UFL1: variants seen among roughly 807,000 people sequenced by gnomAD.
UFL1 encodes the protein E3 UFM1-protein ligase 1.
Under a neutral mutation model 99.3 loss-of-function variants are expected in UFL1, and 78 were observed. That is an observed-to-expected ratio of 0.79 (90% CI 0.65 to 0.95). The LOEUF (loss-of-function observed/expected upper bound fraction) is 0.95, where lower values mean the gene tolerates loss of function less well. Ranked by LOEUF, UFL1 falls within the 40% of genes least tolerant of loss-of-function variation. The pLI, the probability that UFL1 is intolerant of heterozygous loss-of-function variation, is 0.00. For synonymous variants in UFL1, 335 were observed against 322.2 expected (o/e 1.04, Z -0.42); for missense variants, 936 against 937.0 (o/e 1.00, Z 0.01).
At position 96,523,243 on chromosome 6, in the gene UFL1, C is replaced by T. The variant is rs776209390; in HGVS notation, c.175C>T (p.Pro59Ser). ...HTLDGKEYIT[P>S]AQISKEMRDE... ...ACTCGATGGAAAGGAATATATTACT[C>T]CAGCCCAAATTAGTAAAGAAATGAG... The change falls in exon 2 of 19, where the codon CCA becomes TCA. Residue 59 changes from proline to serine, a missense_variant. Coordinates refer to ENST00000369278, the MANE Select transcript of UFL1 (RefSeq NM_015323.5). The T allele has an allele frequency of 3.7e-6, 6 of 1,611,850 alleles. No individual in the cohort carries two copies. Among genetic ancestry groups the T allele is most frequent in the Non-Finnish European group, 5.1e-6 (6 of 1,179,048 alleles).
At chr6:96,541,565 CT>C (rs1332322337) in intron 11 of UFL1, among the ~76,000 whole-genome samples, 1 of 151,194 alleles carries the variant, frequency 6.6e-6, no homozygotes, top group African/African-American at 2.4e-5. Context: ...TTTCTTAAAA[CT>C]TTTCAATGGC....
At chr6:96,548,024 T>G (rs531411445) in intron 12 of UFL1, 140 bp from the exon 13 acceptor site, 1 of 600,164 alleles carries the variant, frequency 1.7e-6, no homozygotes, top group East Asian at 3.1e-5. Flanking sequence ...TTGTTTTTAC[T>G]AGTTGTTGCT....
intron 18 of UFL1, 124 bp from the exon 19 acceptor site, chr6:96,553,161 A>G: frequency 5.0e-6 from 4 of 802,424 alleles, no homozygotes; most frequent in South Asian, 3.7e-5. Flanking sequence ...TAGACTTGCT[A>G]CTTACATGGC....
intron 12 of UFL1, among the ~76,000 whole-genome samples, chr6:96,545,996 C>T (rs1050462159): frequency 6.6e-6 from 1 of 151,104 alleles, no homozygotes; most frequent in Non-Finnish European, 1.5e-5. Flanking sequence ...TCCTATTCAA[C>T]GTAGTACTAG....
Position 96,548,165 on chromosome 6 carries a change from A to G in UFL1, c.1404A>G (p.Gly468=). ...TGCCATTGCTCATGTCCGATATAGGAAAGAAGAAGCCAGAGATCAGTTTTA... is the reference window on the plus strand; with the variant it reads ...TGCCATTGCTCATGTCCGATATAGGGAAGAAGAAGCCAGAGATCAGTTTTA... ...SDDESQSSHT[G]KKKPEISFMF... Residue 468 remains glycine, a splice_region_variant and synonymous_variant, in exon 13 of 19, where the codon GGA becomes GGG. Coordinates refer to ENST00000369278, the MANE Select transcript of UFL1 (RefSeq NM_015323.5). 1.9e-6 allele frequency: 3 copies of G among 1,579,060 alleles called. No homozygotes were observed. Among genetic ancestry groups the G allele is most frequent in the Non-Finnish European group, 2.6e-6 (3 of 1,162,144 alleles).
rs1769916462 is a variant in UFL1 at position 96,540,533 on chromosome 6, A to G, written c.1159-2A>G. 3.1e-6 allele frequency: 5 copies of G among 1,591,066 alleles called. No individual in the cohort carries two copies. The highest frequency in any genetic ancestry group is 4.3e-6 in the Non-Finnish European group (5 of 1,172,296). On this transcript the variant is annotated splice_acceptor_variant, in intron 10 of 18. Transcript: ENST00000369278. LOFTEE classifies it high-confidence loss of function. ...TACCAAAAAAAGCATGTTTTATTTT[A>G]GGAAATGAAAAATAATCCTGTGCAT...
intron 12 of UFL1, among the ~76,000 whole-genome samples, chr6:96,545,678 G>C (rs1769988559): frequency 6.6e-6 from 1 of 150,990 alleles, no homozygotes; most frequent in African/African-American, 2.4e-5. Context: ...TTAAAAATTT[G>C]TTTTGAAATA....
At chr6:96,542,741 A>G (rs1769948322) in intron 11 of UFL1, among the ~76,000 whole-genome samples, 153 bp from the exon 12 acceptor site, 1 of 151,234 alleles carries the variant, frequency 6.6e-6, no homozygotes, top group African/African-American at 2.4e-5. Context: ...TAAACTTTTA[A>G]TAGGGAACTC....
intron 6 of UFL1, among the ~76,000 whole-genome samples, chr6:96,528,966 A>T (rs1191064519): frequency 6.6e-6 from 1 of 152,198 alleles, no homozygotes; most frequent in African/African-American, 2.4e-5. Context: ...TGCAATTTAA[A>T]GTCAGAAGAA....
rs373840862 is a variant in UFL1 at position 96,537,419 on chromosome 6, A to C, written c.848A>C (p.Tyr283Ser). The C allele has an allele frequency of 5.4e-5, 86 of 1,602,322 alleles. No individual in the cohort carries two copies. Among genetic ancestry groups the C allele is most frequent in the Non-Finnish European group, 6.9e-5 (81 of 1,175,538 alleles). Reference sequence around the variant, plus strand: ...CTTGGAATCCCAGATGCTGTAAGCTACATAAAGAAAAGATATAAGACTACA... The same window carrying C: ...CTTGGAATCCCAGATGCTGTAAGCTCCATAAAGAAAAGATATAAGACTACA... Reference protein sequence around the residue: ...SRLGIPDAVSYIKKRYKTTQL... With the variant: ...SRLGIPDAVSSIKKRYKTTQL... The change falls in exon 9 of 19, where the codon TAC becomes TCC. Residue 283 changes from tyrosine (Y) to serine (S), a missense_variant. Transcript: ENST00000369278.
At position 96,549,434 on chromosome 6, in the gene UFL1, G is replaced by T; in HGVS notation, c.1543G>T (p.Glu515Ter). 2 of 1,596,134 alleles carry T rather than the reference G, an allele frequency of 1.3e-6. No individual in the cohort carries two copies. The highest frequency in any genetic ancestry group is 1.7e-6 in the Non-Finnish European group (2 of 1,174,972). Residue 515 changes from glutamate (E) to a stop codon, truncating the protein, a stop_gained, in exon 14 of 19, where the codon GAG becomes TAG. Coordinates refer to ENST00000369278, the MANE Select transcript of UFL1 (RefSeq NM_015323.5). LOFTEE classifies it high-confidence loss of function. Reference sequence around the variant, plus strand: ...CAGACCTCTTAATAAAACTTATCTCGAGGTGGTACGTTCAGTATTCATGTC... The same window carrying T: ...CAGACCTCTTAATAAAACTTATCTCTAGGTGGTACGTTCAGTATTCATGTC... ...LIKPLNKTYLEVVRSVFMSST... is the reference protein window; with the variant it reads ...LIKPLNKTYL
In UFL1 at chr6:96,553,364, G is replaced by A. The variant is rs546006650; in HGVS notation, c.2246G>A (p.Gly749Glu). Reference protein sequence around the residue: ...LVSQSKKTGQGDYPLNNELDK... With the variant: ...LVSQSKKTGQEDYPLNNELDK... ...AGTCAAAGTAAGAAGACTGGGCAGGGAGATTATCCCTTGAATAATGAATTA... is the reference window on the plus strand; with the variant it reads ...AGTCAAAGTAAGAAGACTGGGCAGGAAGATTATCCCTTGAATAATGAATTA... The change falls in exon 19 of 19, where the codon GGA becomes GAA. Residue 749 changes from glycine to glutamate, a missense_variant. Transcript: ENST00000369278. The A allele has an allele frequency of 8.7e-6, 14 of 1,613,790 alleles. No individual in the cohort carries two copies. In the East Asian group the frequency reaches 3.1e-4, roughly 36 times the overall value.
chr6:96,534,401 T>G, intron 7 of UFL1, 80 bp downstream of exon 7: 1 of 1,156,110 alleles, frequency 8.6e-7, no homozygotes, highest in Non-Finnish European at 1.2e-6. Flanking sequence ...TTTAATGTTT[T>G]TTCCTCTTTT....
intron 6 of UFL1, among the ~76,000 whole-genome samples, chr6:96,531,054 A>AT (rs1189393185): frequency 6.6e-6 from 1 of 152,210 alleles, no homozygotes; most frequent in African/African-American, 2.4e-5. Flanking sequence ...CGTGAACCCT[A>AT]TTGTGAACTG....
chr6:96,523,288 G>A lies in UFL1; in HGVS notation c.220G>A (p.Gly74Ser). The A allele has an allele frequency of 6.3e-7, 1 of 1,585,060 alleles. No homozygotes were observed. Among genetic ancestry groups the A allele is most frequent in the Non-Finnish European group, 8.5e-7 (1 of 1,170,494 alleles). The change falls in exon 2 of 19, where the codon GGT becomes AGT. Residue 74 changes from glycine to serine, a missense_variant. By Grantham distance (56) the Gly-to-Ser change is moderately conservative (BLOSUM62 0). Transcript: ENST00000369278. ...AATGAGAGATGAGCTACATGTCCGA[G>A]GTGGTAGGTAATTCTTTAGTGTTTT... ...KEMRDELHVR[G>S]GRVNIVDLQQ...
At chr6:96,548,425 TTTTA>T (rs1770030827) in intron 13 of UFL1, 144 bp downstream of exon 13, 1 of 565,198 alleles carries the variant, frequency 1.8e-6, no homozygotes, top group Non-Finnish European at 3.0e-6. Flanking sequence ...AAATTCCAGA[TTTTA>T]TTTGCCTACA....
chr6:96,549,872 T>A, intron 15 of UFL1, 73 bp downstream of exon 15: 1 of 1,540,040 alleles, frequency 6.5e-7, no homozygotes, highest in South Asian at 1.3e-5. Context: ...TTTATCTTAT[T>A]TGGAGTAAAG....
In UFL1 at chr6:96,523,305, TAG is replaced by T. The variant is rs748302131; in HGVS notation, c.223+15_223+16del. 8.3e-6 allele frequency: 13 copies of T among 1,566,306 alleles called. No individual in the cohort carries two copies. Among genetic ancestry groups the T allele is most frequent in the Admixed American group, 2.1e-5 (1 of 48,262 alleles). On this transcript the variant is annotated intron_variant, in intron 2 of 18. Coordinates refer to ENST00000369278, the MANE Select transcript of UFL1 (RefSeq NM_015323.5). ...ATGTCCGAGGTGGTAGGTAATTCTT[TAG>T]TGTTTTTTTTTTTCTTGGATTTTTG...
rs776695404 is a variant in UFL1, at chr6:96,552,608, A to C, written c.2112A>C (p.Ala704=). Reference sequence around the variant, plus strand: ...TTTCAACCCACAGCATGCTCCATGCACCTGGAAGATGTGTCCCACAGATCA... The same window carrying C: ...TTTCAACCCACAGCATGCTCCATGCCCCTGGAAGATGTGTCCCACAGATCA... The part of the protein sequence containing the change: ...FQFSTHSMLH[A]PGRCVPQIIA... The change falls in exon 18 of 19, where the codon GCA becomes GCC. Residue 704 remains alanine (A), a synonymous_variant. Transcript: ENST00000369278. The C allele has an allele frequency of 1.2e-6, 2 of 1,612,548 alleles. No homozygotes were observed. The highest frequency in any genetic ancestry group is 1.7e-5 in the Admixed American group (1 of 59,712).
Sources: gnomAD v4.1 joint callset for allele counts (sites outside exome capture counted in the v4.1 genomes callset) on GRCh38, gnomAD v4.1.1 for gene constraint, MANE v1.5 for transcripts, NCBI Gene and HGNC (gene_info 2026-07-23, HGNC 2026-07-21) for gene names.